The following ADARB2 variants were observed in gnomAD, a reference collection of about 807,000 sequenced individuals.
ADARB2 encodes inactive double-stranded RNA-specific editase B2.
A neutral mutation model predicts 62.2 loss-of-function variants in ADARB2; 25 were observed. The ratio of observed to expected loss-of-function variants is 0.40; its 90% CI spans 0.29 to 0.56. The LOEUF (loss-of-function observed/expected upper bound fraction) is 0.56, where lower values mean the gene tolerates loss of function less well. Ranked by LOEUF, ADARB2 falls within the 20% of genes least tolerant of loss-of-function variation. ADARB2 has a pLI of 0.43. For synonymous variants in ADARB2, 572 were observed against 500.8 expected (o/e 1.14, Z -1.90); for missense variants, 1,071 against 1,077.4 (o/e 0.99, Z 0.08).
intron 3 of ADARB2, among the ~76,000 whole-genome samples, chr10:1,287,329 T>A (rs1831423134): frequency 4.6e-5 from 7 of 152,222 alleles, no homozygotes. Flanking sequence ...CATATACACA[T>A]TGTGGGATGA....
intron 3 of ADARB2, among the ~76,000 whole-genome samples, chr10:1,308,837 A>T (rs755844893): frequency 1.1e-4 from 17 of 152,286 alleles, no homozygotes; most frequent in African/African-American, 2.2e-4. Context: ...CAGGATAAAT[A>T]GAGCATGGAA....
At chr10:1,268,257 A>C (rs983505676) in intron 4 of ADARB2, among the ~76,000 whole-genome samples, 2 of 152,206 alleles carry the variant, frequency 1.3e-5, no homozygotes, top group Admixed American at 6.5e-5. Flanking sequence ...GTGGCTTCTG[A>C]GAGTGAAGGG....
chr10:1,200,243 A>C, intron 7 of ADARB2, 96 bp from the exon 8 acceptor site: 1 of 1,499,656 alleles, frequency 6.7e-7, no homozygotes, highest in Non-Finnish European at 9.1e-7. Flanking sequence ...AGGACCTGTC[A>C]GTCTTCCCAT....
intron 2 of ADARB2, among the ~76,000 whole-genome samples, chr10:1,366,352 C>G (rs1337588281): frequency 6.6e-6 from 1 of 152,228 alleles, no homozygotes; most frequent in Non-Finnish European, 1.5e-5. Context: ...GAATCTCAGC[C>G]ATGGATGGCC....
At chr10:1,484,140 A>G (rs907596284) in intron 1 of ADARB2, among the ~76,000 whole-genome samples, 14 of 152,246 alleles carry the variant, frequency 9.2e-5, no homozygotes, top group African/African-American at 3.1e-4. Flanking sequence ...CAGTCAAGAT[A>G]CATTAATCCT....
chr10:1,524,033 A>G (rs997619678), intron 1 of ADARB2, among the ~76,000 whole-genome samples: 1 of 150,568 alleles, frequency 6.6e-6, no homozygotes, highest in African/African-American at 2.4e-5. Context: ...CACTTACTAT[A>G]TTCTAGACAG....
At chr10:1,690,782 C>G (rs1834659325) in intron 1 of ADARB2, among the ~76,000 whole-genome samples, 1 of 152,214 alleles carries the variant, frequency 6.6e-6, no homozygotes, top group South Asian at 2.1e-4. Flanking sequence ...CCTGTCACCC[C>G]CTCCCCAGCC....
At chr10:1,243,426 C>T (rs370938840) in intron 4 of ADARB2, among the ~76,000 whole-genome samples, 18 of 152,340 alleles carry the variant, frequency 1.2e-4, no homozygotes, top group East Asian at 9.6e-4. Flanking sequence ...ATTAATGTCA[C>T]GCCAGAAGCA....
intron 1 of ADARB2, among the ~76,000 whole-genome samples, chr10:1,424,575 C>T (rs1471148199): frequency 1.3e-5 from 2 of 151,978 alleles, no homozygotes; most frequent in Admixed American, 1.3e-4. Context: ...AGGACAATGC[C>T]CCTAAAGTGG....
intron 1 of ADARB2, among the ~76,000 whole-genome samples, chr10:1,478,673 G>A (rs932771485): frequency 5.3e-5 from 8 of 150,908 alleles, no homozygotes; most frequent in African/African-American, 1.9e-4. Flanking sequence ...CCCTCGGACG[G>A]GAGAGCACCA....
intron 1 of ADARB2, among the ~76,000 whole-genome samples, chr10:1,536,147 A>G (rs1411743908): frequency 6.6e-6 from 1 of 151,986 alleles, no homozygotes; most frequent in East Asian, 1.9e-4. Flanking sequence ...TGAAGCCTCA[A>G]CTCCAGATGC....
chr10:1,703,446 C>T (rs1202868551), intron 1 of ADARB2, among the ~76,000 whole-genome samples: 1 of 151,942 alleles, frequency 6.6e-6, no homozygotes, highest in Non-Finnish European at 1.5e-5. Flanking sequence ...TGGGGGGAGA[C>T]TTTTTTAAGA....
In ADARB2 at chr10:1,737,502, A is replaced by G. The variant is rs959565171; in HGVS notation, c.-352T>C. The G allele has an allele frequency of 7.2e-6, 2 of 279,316 alleles. No homozygotes were observed. The highest frequency in any genetic ancestry group is 1.4e-5 in the Non-Finnish European group (2 of 147,068). The allele number at this position is 279,316 out of a possible 1,614,324, so 17.3% of individuals were successfully genotyped here. On this transcript the variant is annotated 5_prime_UTR_variant, in exon 1 of 10. Transcript: ENST00000381312. ...GGGAGGCTACTTTTGCGCCTCTGCT[A>G]GTTGTTTGGCACCAGCCACTTTGAA...
chr10:1,217,499 C>T (rs886597474), intron 6 of ADARB2, among the ~76,000 whole-genome samples: 1 of 152,164 alleles, frequency 6.6e-6, no homozygotes, highest in African/African-American at 2.4e-5. Context: ...CGCAGTTGGA[C>T]GTGTCGTTTT....
chr10:1,714,900 G>C (rs911849022), intron 1 of ADARB2, among the ~76,000 whole-genome samples: 1 of 152,074 alleles, frequency 6.6e-6, no homozygotes, highest in Non-Finnish European at 1.5e-5. Context: ...TGTGCACAAC[G>C]TGCAGGTTTG....
intron 1 of ADARB2, among the ~76,000 whole-genome samples, chr10:1,621,883 T>C (rs760297367): frequency 6.6e-6 from 1 of 150,804 alleles, no homozygotes; most frequent in Non-Finnish European, 1.5e-5. Flanking sequence ...TTAAAATATG[T>C]ATGAAAATAA....
rs7100922 is a variant in ADARB2 at position 1,315,250 on chromosome 10, G to C, written c.1078-44181C>G. Among the ~76,000 whole-genome samples, 351 of 152,328 alleles carry C rather than the reference G, an allele frequency of 2.3e-3. 1 individual carries two copies. The highest frequency in any genetic ancestry group is 7.7e-3 in the African/African-American group (321 of 41,576). On this transcript the variant is annotated intron_variant, in intron 3 of 9. Coordinates refer to ENST00000381312, the MANE Select transcript of ADARB2 (RefSeq NM_018702.4). ...AGAGCCGAGCCAGGCACCAGGTGCT[G>C]CAGGTGACAGGGTGAGGGTCTGCAG...
At chr10:1,273,162 A>G (rs1589173156) in intron 3 of ADARB2, among the ~76,000 whole-genome samples, 2 of 150,962 alleles carry the variant, frequency 1.3e-5, no homozygotes, top group African/African-American at 4.9e-5. Context: ...TTTCTCAGTC[A>G]CCGTCATGGG....
intron 1 of ADARB2, among the ~76,000 whole-genome samples, chr10:1,571,007 T>C (rs1237785068): frequency 6.6e-6 from 1 of 152,198 alleles, no homozygotes; most frequent in Non-Finnish European, 1.5e-5. Context: ...ACAAAACCTG[T>C]CATTGGGTCT....
Sources: allele counts gnomAD v4.1 joint callset (sites outside exome capture counted in the v4.1 genomes callset), GRCh38; gene constraint gnomAD v4.1.1; transcripts MANE v1.5; gene names NCBI Gene and HGNC (gene_info 2026-07-23, HGNC 2026-07-21).